ROBO1: variants seen among roughly 807,000 people sequenced by gnomAD.
ROBO1 encodes the protein roundabout guidance receptor 1, also known as roundabout homolog 1.
A neutral mutation model predicts 195.9 loss-of-function variants in ROBO1; 149 were observed. That is an observed-to-expected ratio of 0.76 (90% confidence interval 0.67 to 0.87). ROBO1 has a LOEUF of 0.87. Among genes scored for constraint, ROBO1 ranks in the 40% least tolerant of loss-of-function variants. The probability of loss-of-function intolerance (pLI) is 0.00; values close to 1 mark genes in which losing one functional copy is unlikely to be tolerated. For synonymous variants in ROBO1, 816 were observed against 733.2 expected (o/e 1.11, Z -1.82); for missense variants, 1,933 against 2,068.3 (o/e 0.93, Z 1.27).
chr3:79,190,345 A>G (rs958113753), intron 2 of ROBO1, among the ~76,000 whole-genome samples: 1 of 151,712 alleles, frequency 6.6e-6, no homozygotes, highest in South Asian at 2.1e-4. Flanking sequence ...GGATGTGGCT[A>G]GTATAGAGAA....
chr3:78,942,423 T>C (rs532678315), intron 3 of ROBO1, among the ~76,000 whole-genome samples: 1 of 152,036 alleles, frequency 6.6e-6, no homozygotes, highest in South Asian at 2.1e-4. Flanking sequence ...ACTTACAATA[T>C]GGAGTAAAAG....
At chr3:79,508,078 G>A (rs1270750024) in intron 2 of ROBO1, 3 of 152,108 alleles carry the variant, frequency 2.0e-5, no homozygotes, top group Non-Finnish European at 4.4e-5. Flanking sequence ...CACAGGGAGG[G>A]GAACATCACA....
chr3:78,991,768 G>A (rs1396663044), intron 3 of ROBO1, among the ~76,000 whole-genome samples: 1 of 152,082 alleles, frequency 6.6e-6, no homozygotes, highest in Non-Finnish European at 1.5e-5. Flanking sequence ...TCCATAGGAA[G>A]GATTATCAGA....
At chr3:79,041,166 G>A (rs1228531768) in intron 3 of ROBO1, among the ~76,000 whole-genome samples, 3 of 152,098 alleles carry the variant, frequency 2.0e-5, no homozygotes, top group Non-Finnish European at 4.4e-5. Flanking sequence ...ATATGCTTGG[G>A]GGAAGTCAGT....
intron 1 of ROBO1, among the ~76,000 whole-genome samples, chr3:79,668,482 A>T (rs1159496968): frequency 1.3e-5 from 2 of 151,644 alleles, no homozygotes; most frequent in East Asian, 3.9e-4. Flanking sequence ...CTTCAAATTT[A>T]AAAATCTAAT....
intron 8 of ROBO1, among the ~76,000 whole-genome samples, chr3:78,698,318 TA>T (rs1320559850): frequency 6.6e-6 from 1 of 152,184 alleles, no homozygotes; most frequent in Non-Finnish European, 1.5e-5. Context: ...CGCTAACAAT[TA>T]AAAACTCTCA....
chr3:79,310,526 AT>A (rs1302539492), intron 2 of ROBO1, among the ~76,000 whole-genome samples: 5 of 152,100 alleles, frequency 3.3e-5, no homozygotes. Flanking sequence ...CTACATGGCA[AT>A]TTTACGTTTT....
intron 3 of ROBO1, among the ~76,000 whole-genome samples, chr3:78,959,151 C>T (rs1239124257): frequency 1.3e-5 from 2 of 151,892 alleles, no homozygotes; most frequent in Admixed American, 1.3e-4. Flanking sequence ...GAGCAAATAT[C>T]CCATCAAAAA....
intron 1 of ROBO1, among the ~76,000 whole-genome samples, chr3:79,677,503 G>A (rs986452699): frequency 6.6e-6 from 1 of 152,020 alleles, no homozygotes; most frequent in Non-Finnish European, 1.5e-5. Flanking sequence ...GCCATCAGAT[G>A]TTATGAGACT....
At position 78,627,346 on chromosome 3, in the gene ROBO1, G is replaced by C; in HGVS notation, c.3850C>G (p.His1284Asp). The change falls in exon 26 of 31, where the codon CAC becomes GAC. Residue 1284 changes from histidine to aspartate, a missense_variant. His to Asp is a moderately conservative substitution (Grantham distance 81). Transcript: ENST00000464233. ...MLQDCPEETG[H>D]MQHQPDRRRQ... ...CTCCTGTCGGGCTGGTGCTGCATGT[G>C]GCCAGTCTCCTCTGGACAATCCTGT... is the stretch of plus-strand genomic sequence containing the variant. 1 of 1,612,624 alleles carries C rather than the reference G, an allele frequency of 6.2e-7. No individual in the cohort carries two copies. The highest frequency in any genetic ancestry group is 8.5e-7 in the Non-Finnish European group (1 of 1,179,324).
chr3:78,800,265 G>A (rs1273675702), intron 4 of ROBO1, among the ~76,000 whole-genome samples: 3 of 152,064 alleles, frequency 2.0e-5, no homozygotes, highest in Non-Finnish European at 2.9e-5. Context: ...ATAACAACAA[G>A]ATAACTAAGG....
At chr3:78,871,694 C>T (rs331142) in intron 4 of ROBO1, among the ~76,000 whole-genome samples, 5 of 148,340 alleles carry the variant, frequency 3.4e-5, no homozygotes, top group East Asian at 2.0e-4. Context: ...CCTTTCATAG[C>T]GCTCAGTACT....
At chr3:79,367,797 C>T (rs961778462) in intron 2 of ROBO1, among the ~76,000 whole-genome samples, 4 of 152,150 alleles carry the variant, frequency 2.6e-5, no homozygotes, top group South Asian at 2.1e-4. Flanking sequence ...TTACGAGTTT[C>T]GTAGCTTAAT....
At chr3:79,417,301 G>A (rs1324946235) in intron 2 of ROBO1, among the ~76,000 whole-genome samples, 3 of 152,120 alleles carry the variant, frequency 2.0e-5, no homozygotes, top group Admixed American at 6.6e-5. Flanking sequence ...CCTGTGGAGA[G>A]GCTCACATAG....
chr3:78,810,529 G>A (rs1463156355), intron 4 of ROBO1, among the ~76,000 whole-genome samples: 1 of 152,008 alleles, frequency 6.6e-6, no homozygotes, highest in Non-Finnish European at 1.5e-5. Context: ...ATTATTGGTA[G>A]GTAAACATAT....
intron 2 of ROBO1, among the ~76,000 whole-genome samples, chr3:79,449,084 A>G (rs533125172): frequency 3.2e-4 from 49 of 152,178 alleles, no homozygotes; most frequent in Non-Finnish European, 2.8e-4. Flanking sequence ...AAAAAACATT[A>G]GCCGAGTGTG....
intron 1 of ROBO1, among the ~76,000 whole-genome samples, chr3:79,613,834 G>A (rs755028860): frequency 2.8e-4 from 42 of 151,970 alleles, no homozygotes; most frequent in Non-Finnish European, 5.3e-4. Context: ...GGAGAAAGAT[G>A]TGTCATGAAA....
intron 2 of ROBO1, among the ~76,000 whole-genome samples, chr3:79,546,338 T>C (rs1039774565): frequency 2.0e-5 from 3 of 152,178 alleles, no homozygotes; most frequent in Non-Finnish European, 4.4e-5. Context: ...TCAAATGTTA[T>C]ATGCAGATTT....
chr3:79,726,640 TA>T (rs149509243), intron 1 of ROBO1, among the ~76,000 whole-genome samples: 6 of 152,004 alleles, frequency 3.9e-5, no homozygotes, highest in East Asian at 1.9e-4. Context: ...GCATTATCTC[TA>T]AAAAAAATTA....
Sources: allele counts gnomAD v4.1 joint callset (sites outside exome capture counted in the v4.1 genomes callset), GRCh38; gene constraint gnomAD v4.1.1; transcripts MANE v1.5; gene names NCBI Gene and HGNC (gene_info 2026-07-23, HGNC 2026-07-21).